Variants in EPHA3 observed in about 807,000 individuals in gnomAD.
EPHA3 encodes EPH receptor A3.
A neutral mutation model predicts 107.1 loss-of-function variants in EPHA3; 42 were observed. That is an observed-to-expected ratio of 0.39 (90% CI 0.31 to 0.51). EPHA3 has a LOEUF of 0.51. Among genes scored for constraint, EPHA3 ranks in the 20% least tolerant of loss-of-function variants. The pLI is 0.78. For missense variants in EPHA3, 1,183 were observed against 1,211.2 expected (o/e 0.98, Z 0.35); for synonymous variants, 461 against 424.8 (o/e 1.09, Z -1.05).
intron 2 of EPHA3, among the ~76,000 whole-genome samples, chr3:89,180,779 A>G (rs971620247): frequency 6.6e-6 from 1 of 152,022 alleles, no homozygotes; most frequent in Non-Finnish European, 1.5e-5. Context: ...CTGAGGTGGC[A>G]AACCTGTACT....
chr3:89,405,989 T>C (rs1709049174), intron 7 of EPHA3, among the ~76,000 whole-genome samples: 1 of 152,106 alleles, frequency 6.6e-6, no homozygotes, highest in Admixed American at 6.6e-5. Flanking sequence ...TATGCAAAAC[T>C]TTTATGCATA....
intron 10 of EPHA3, among the ~76,000 whole-genome samples, chr3:89,415,392 C>T (rs1284104090): frequency 6.7e-6 from 1 of 148,214 alleles, no homozygotes; most frequent in South Asian, 2.1e-4. Flanking sequence ...TGATTACCAA[C>T]TGGCTTCCAT....
intron 5 of EPHA3, among the ~76,000 whole-genome samples, chr3:89,359,912 A>G (rs1309519818): frequency 6.7e-6 from 1 of 148,706 alleles, no homozygotes; most frequent in Admixed American, 6.9e-5. Flanking sequence ...CAGAATATTT[A>G]TTATTTAAAC....
At chr3:89,454,980 AAG>A (rs1387823471) in intron 15 of EPHA3, among the ~76,000 whole-genome samples, 2 of 152,148 alleles carry the variant, frequency 1.3e-5, no homozygotes, top group Admixed American at 6.6e-5. Context: ...GTGACAGAGC[AAG>A]ACACTGTCTC....
At position 89,218,191 on chromosome 3, in the gene EPHA3, C is replaced by T. The variant is rs573695102; in HGVS notation, c.814+7671C>T. ...TTTTAGGGTACATGTGCACAACGTG[C>T]AGGTTTGTTACATATGTACACATGT... On this transcript the variant is annotated intron_variant, in intron 3 of 16. Coordinates refer to ENST00000336596, the MANE Select transcript of EPHA3 (RefSeq NM_005233.6). Among the ~76,000 whole-genome samples, 2 of 151,850 alleles carry T rather than the reference C, an allele frequency of 1.3e-5. 1 individual carries two copies. Among genetic ancestry groups the T allele is most frequent in the African/African-American group, 4.8e-5 (2 of 41,392 alleles).
chr3:89,285,169 T>C (rs1706050161), intron 3 of EPHA3, among the ~76,000 whole-genome samples: 1 of 152,080 alleles, frequency 6.6e-6, no homozygotes, highest in African/African-American at 2.4e-5. Context: ...ACATCACTCC[T>C]CTTTTTGTTT....
intron 2 of EPHA3, among the ~76,000 whole-genome samples, chr3:89,178,969 A>G (rs1017708777): frequency 7.2e-5 from 11 of 151,764 alleles, no homozygotes; most frequent in African/African-American, 2.7e-4. Context: ...TAAAAACTAG[A>G]TGTATATTAT....
At chr3:89,184,142 G>A (rs1297159303) in intron 2 of EPHA3, among the ~76,000 whole-genome samples, 1 of 151,990 alleles carries the variant, frequency 6.6e-6, no homozygotes, top group African/African-American at 2.4e-5. Flanking sequence ...ACTGGAAAAT[G>A]ATGGTGATTT....
chr3:89,386,975 C>T (rs1708635058), intron 5 of EPHA3, among the ~76,000 whole-genome samples: 1 of 152,126 alleles, frequency 6.6e-6, no homozygotes. Flanking sequence ...ATGGCCGTAC[C>T]CTCATCGTAT....
rs373469299 is a variant in EPHA3 at position 89,140,177 on chromosome 3, T to G, written c.153+12904T>G. Among the ~76,000 whole-genome samples the G allele has an allele frequency of 2.8e-4, 43 of 152,006 alleles. No individual in the cohort carries two copies. The South Asian group carries it at 8.7e-3, about 31-fold the overall frequency. ...TGACAAGTAGAAATTGATTTTAGCT[T>G]GAATTCAAAGATTAATCTAAATCTG... is the stretch of plus-strand genomic sequence containing the variant. On this transcript the variant is annotated intron_variant, in intron 2 of 16. Coordinates refer to ENST00000336596, the MANE Select transcript of EPHA3 (RefSeq NM_005233.6).
intron 5 of EPHA3, among the ~76,000 whole-genome samples, chr3:89,391,847 C>G (rs1708750463): frequency 6.6e-6 from 1 of 151,980 alleles, no homozygotes; most frequent in Non-Finnish European, 1.5e-5. Context: ...TCAGCTGTAT[C>G]CAGAATAGCA....
At chr3:89,286,119 C>CGTGT (rs373081017) in intron 3 of EPHA3, among the ~76,000 whole-genome samples, 11,325 of 136,426 alleles carry the variant, frequency 0.083, 461 homozygotes, top group East Asian at 0.13. Context: ...TCAATTTCTA[C>CGTGT]GTGTGTGTGT....
At chr3:89,242,611 GTA>G (rs2107247167) in intron 3 of EPHA3, among the ~76,000 whole-genome samples, 1 of 152,078 alleles carries the variant, frequency 6.6e-6, no homozygotes, top group South Asian at 2.1e-4. Context: ...CTAATTTTTT[GTA>G]TTTTTAGTAG....
intron 9 of EPHA3, among the ~76,000 whole-genome samples, chr3:89,409,196 T>A (rs1296239579): frequency 6.6e-6 from 1 of 152,052 alleles, no homozygotes; most frequent in East Asian, 1.9e-4. Context: ...AAAGCCAAAG[T>A]ACTACATTCC....
intron 13 of EPHA3, among the ~76,000 whole-genome samples, chr3:89,432,153 G>A (rs1211340712): frequency 2.6e-5 from 4 of 151,958 alleles, no homozygotes; most frequent in Admixed American, 1.3e-4. Context: ...TAATTGTTAT[G>A]AGCCTCATGA....
Position 89,399,485 on chromosome 3 carries a change from G to GT in EPHA3, c.1594+6dup. 1 of 1,613,914 alleles carries GT rather than the reference G, an allele frequency of 6.2e-7. No homozygotes were observed. The highest frequency in any genetic ancestry group is 8.5e-7 in the Non-Finnish European group (1 of 1,179,848). ...AGTTTGAAACTAGTCCAGACTGTATGTATTATTTCAATGCAGTCTAGAGGA... is the reference window on the plus strand; with the variant it reads ...AGTTTGAAACTAGTCCAGACTGTATGTTATTATTTCAATGCAGTCTAGAGGA... On this transcript the variant is annotated splice_donor_region_variant and intron_variant, in intron 7 of 16. Transcript: ENST00000336596.
At chr3:89,328,970 T>G (rs1396625219) in intron 3 of EPHA3, among the ~76,000 whole-genome samples, 1 of 152,134 alleles carries the variant, frequency 6.6e-6, no homozygotes, top group Non-Finnish European at 1.5e-5. Context: ...TGCCGCTGTC[T>G]AAGATGTAAC....
intron 2 of EPHA3, among the ~76,000 whole-genome samples, chr3:89,193,160 G>A (rs1213879360): frequency 6.6e-6 from 1 of 151,886 alleles, no homozygotes; most frequent in African/African-American, 2.4e-5. Flanking sequence ...CTTTATGTAG[G>A]CCATTTGCAA....
chr3:89,258,665 T>C (rs1359185327), intron 3 of EPHA3, among the ~76,000 whole-genome samples: 5 of 152,188 alleles, frequency 3.3e-5, no homozygotes, highest in African/African-American at 1.2e-4. Context: ...AGATTTGAAT[T>C]AAGTACGAAA....
Sources: gnomAD v4.1 joint callset for allele counts (sites outside exome capture counted in the v4.1 genomes callset) on GRCh38, gnomAD v4.1.1 for gene constraint, MANE v1.5 for transcripts, NCBI Gene and HGNC (gene_info 2026-07-23, HGNC 2026-07-21) for gene names.